RABGAP1L: variants seen among roughly 807,000 people sequenced by gnomAD.
RABGAP1L encodes RAB GTPase activating protein 1 like.
Under a neutral mutation model 137.7 loss-of-function variants are expected in RABGAP1L, and 63 were observed. The ratio of observed to expected loss-of-function variants is 0.46; its 90% CI spans 0.37 to 0.56. RABGAP1L has a LOEUF of 0.56. Among genes scored for constraint, RABGAP1L ranks in the 20% least tolerant of loss-of-function variants. The pLI, the probability that RABGAP1L is intolerant of heterozygous loss-of-function variation, is 0.00. For missense variants in RABGAP1L, 1,095 were observed against 1,244.0 expected, an observed-to-expected ratio of 0.88 and a Z score of 1.80; for synonymous variants, 431 against 433.7, an observed-to-expected ratio of 0.99 and a Z score of 0.08.
intron 19 of RABGAP1L, among the ~76,000 whole-genome samples, chr1:174,827,070 C>A (rs1691635715): frequency 1.3e-5 from 2 of 152,106 alleles, no homozygotes; most frequent in Admixed American, 6.6e-5. Context: ...GGATGGTCAC[C>A]ATCTCATTGT....
At chr1:174,665,444 G>T (rs1391858576) in intron 14 of RABGAP1L, among the ~76,000 whole-genome samples, 3 of 45,126 alleles carry the variant, frequency 6.6e-5, no homozygotes, top group Admixed American at 5.1e-4. Flanking sequence ...GCCCCGCCCC[G>T]CCCCGCCTCG....
chr1:174,878,551 T>C (rs1249920250), intron 19 of RABGAP1L, among the ~76,000 whole-genome samples: 1 of 152,162 alleles, frequency 6.6e-6, no homozygotes, highest in Admixed American at 6.5e-5. Context: ...TAACTACAAT[T>C]GTAGTAACTT....
chr1:174,707,222 TTTG>T (rs969415270), intron 17 of RABGAP1L, among the ~76,000 whole-genome samples: 2 of 136,412 alleles, frequency 1.5e-5, no homozygotes, highest in Non-Finnish European at 3.2e-5. Context: ...TTTGTTCTGT[TTTG>T]TTTTGTTTTG....
At chr1:174,623,064 G>T (rs1672658295) in intron 13 of RABGAP1L, among the ~76,000 whole-genome samples, 1 of 152,094 alleles carries the variant, frequency 6.6e-6, no homozygotes, top group African/African-American at 2.4e-5. Flanking sequence ...CACAACCTCA[G>T]TGAACAAGTG....
intron 9 of RABGAP1L, 152 bp downstream of exon 9, chr1:174,276,087 TG>T (rs895815830): frequency 1.8e-6 from 1 of 559,460 alleles, no homozygotes; most frequent in African/African-American, 1.9e-5. Context: ...TATGCTTCTA[TG>T]GGGGAAATCT....
chr1:174,595,670 G>A (rs1314943767), intron 13 of RABGAP1L, among the ~76,000 whole-genome samples: 1 of 148,032 alleles, frequency 6.8e-6, no homozygotes, highest in East Asian at 2.0e-4. Context: ...GCTGCTCGGG[G>A]GTCAGGGGTC....
intron 13 of RABGAP1L, among the ~76,000 whole-genome samples, chr1:174,560,133 C>G (rs1001763989): frequency 7.0e-6 from 1 of 142,398 alleles, no homozygotes; most frequent in Non-Finnish European, 1.5e-5. Context: ...GACTCTGTCT[C>G]AGAAAAAAAA....
At chr1:174,896,832 G>C (rs1183970628) in intron 19 of RABGAP1L, 1 of 152,150 alleles carries the variant, frequency 6.6e-6, no homozygotes, top group Non-Finnish European at 1.5e-5. Flanking sequence ...GTGCTGTTTT[G>C]GTTACTGTAG....
rs529325329 is a variant in RABGAP1L at position 174,962,202 on chromosome 1, C to CCT, written c.2433+4654_2433+4655insTC. ...AAAATAAAAATAAAAATACACCCCCCCCCCACACACACACACAGCTAGTTA... is the reference window on the plus strand; with the variant it reads ...AAAATAAAAATAAAAATACACCCCCCCTCCCCACACACACACACAGCTAGTTA... On this transcript the variant is annotated intron_variant, in intron 20 of 25. Transcript: ENST00000681986. Among the ~76,000 whole-genome samples, 7 of 109,306 alleles carry CCT rather than the reference C, an allele frequency of 6.4e-5. 1 individual carries two copies. The highest frequency in any genetic ancestry group is 1.7e-4 in the Admixed American group (2 of 11,622). The allele number at this position is 109,306 out of a possible 152,430, so 71.7% of individuals were successfully genotyped here.
intron 13 of RABGAP1L, among the ~76,000 whole-genome samples, chr1:174,474,524 T>C (rs1658280388): frequency 6.6e-6 from 1 of 152,214 alleles, no homozygotes; most frequent in Non-Finnish European, 1.5e-5. Context: ...AATGTGAATT[T>C]GTCTCCAGGA....
In RABGAP1L at chr1:174,993,246, A is replaced by T. The variant is rs1672172544; in HGVS notation, c.*3245A>T. 1.3e-5 allele frequency: 2 copies of T among 152,218 alleles called. No individual in the cohort carries two copies. Among genetic ancestry groups the T allele is most frequent in the Admixed American group, 6.5e-5 (1 of 15,286 alleles). The allele number at this position is 152,218 out of a possible 1,614,324, so 9.4% of individuals were successfully genotyped here. A position where few individuals can be genotyped will look rare whatever the true frequency, so the allele number is the denominator to read the frequency against. On this transcript the variant is annotated 3_prime_UTR_variant, in exon 26 of 26. Coordinates refer to ENST00000681986, the MANE Select transcript of RABGAP1L (RefSeq NM_001366446.1). ...TGTTTATTTATGAGTGCCTATCAGG[A>T]ACACTAATAGGAATGCCATTCAACC...
At chr1:174,928,767 C>G (rs1179710349) in intron 19 of RABGAP1L, among the ~76,000 whole-genome samples, 1 of 151,932 alleles carries the variant, frequency 6.6e-6, no homozygotes, top group Non-Finnish European at 1.5e-5. Context: ...TTCATTTAGT[C>G]AGTTAATATT....
intron 19 of RABGAP1L, among the ~76,000 whole-genome samples, chr1:174,932,036 G>A (rs1663919423): frequency 1.8e-5 from 2 of 110,886 alleles, no homozygotes; most frequent in African/African-American, 7.3e-5. Flanking sequence ...GAAGTTTTGA[G>A]CTATACTTGC....
intron 5 of RABGAP1L, among the ~76,000 whole-genome samples, chr1:174,243,660 G>T (rs1362758351): frequency 6.6e-6 from 1 of 152,166 alleles, no homozygotes; most frequent in Non-Finnish European, 1.5e-5. Context: ...GACCAGGTTG[G>T]ACTTATTAGA....
intron 5 of RABGAP1L, among the ~76,000 whole-genome samples, chr1:174,241,986 C>T (rs1671868649): frequency 1.3e-5 from 2 of 152,122 alleles, no homozygotes; most frequent in South Asian, 2.1e-4. Flanking sequence ...GTAGATTGGT[C>T]CATGTGATTT....
At chr1:174,364,565 A>G (rs1017030483) in intron 11 of RABGAP1L, among the ~76,000 whole-genome samples, 4 of 151,874 alleles carry the variant, frequency 2.6e-5, no homozygotes. Flanking sequence ...GGATTTCTTC[A>G]TGGTTCAATG....
chr1:174,321,561 G>T (rs2148828100), intron 11 of RABGAP1L, among the ~76,000 whole-genome samples: 1 of 152,206 alleles, frequency 6.6e-6, no homozygotes, highest in Non-Finnish European at 1.5e-5. Context: ...AAATAGAAAA[G>T]AACCTACATT....
rs371802792 is a variant in RABGAP1L at position 174,955,164 on chromosome 1, G to A, written c.2341-2293G>A. ...CTGGAGATGGAGTAATAAAGGATTC[G>A]TGTTTCTCATAACAATATTCAGCAG... On this transcript the variant is annotated intron_variant, in intron 19 of 25. Transcript: ENST00000681986. Among the ~76,000 whole-genome samples the A allele has an allele frequency of 9.7e-4, 147 of 152,272 alleles. 1 individual carries two copies. Among genetic ancestry groups the A allele is most frequent in the Non-Finnish European group, 8.8e-4 (60 of 68,016 alleles).
intron 24 of RABGAP1L, among the ~76,000 whole-genome samples, chr1:174,983,561 A>G (rs1671315047): frequency 6.6e-6 from 1 of 152,224 alleles, no homozygotes; most frequent in African/African-American, 2.4e-5. Context: ...GAAACCTGAC[A>G]TCATCTTATT....
Sources: gnomAD v4.1 joint callset for allele counts (sites outside exome capture counted in the v4.1 genomes callset) on GRCh38, gnomAD v4.1.1 for gene constraint, MANE v1.5 for transcripts, NCBI Gene and HGNC (gene_info 2026-07-23, HGNC 2026-07-21) for gene names.